PACS1: variants seen among roughly 807,000 people sequenced by gnomAD.
PACS1 encodes the protein phosphofurin acidic cluster sorting protein 1.
In PACS1, 24 loss-of-function variants were observed where a neutral mutation model predicts 115.0. That is an observed-to-expected ratio of 0.21 (90% CI 0.15 to 0.29). The LOEUF is 0.29. Ranked by LOEUF, PACS1 falls within the 10% of genes least tolerant of loss-of-function variation. The probability of loss-of-function intolerance (pLI) is 1.00; values close to 1 mark genes in which losing one functional copy is unlikely to be tolerated. For missense variants in PACS1, 838 were observed against 1,251.2 expected (o/e 0.67, Z 4.98); for synonymous variants, 453 against 504.5 (o/e 0.90, Z 1.37).
At chr11:66,075,284 A>C (rs537795805) in intron 1 of PACS1, among the ~76,000 whole-genome samples, 1 of 151,954 alleles carries the variant, frequency 6.6e-6, no homozygotes, top group South Asian at 2.1e-4. Flanking sequence ...TTTTTTACTC[A>C]GGTTGGAGTG....
intron 1 of PACS1, among the ~76,000 whole-genome samples, chr11:66,081,477 G>C (rs1249390957): frequency 6.6e-6 from 1 of 152,012 alleles, no homozygotes; most frequent in Non-Finnish European, 1.5e-5. Context: ...TTTCTTTCTA[G>C]AATTAGGGTA....
intron 1 of PACS1, among the ~76,000 whole-genome samples, chr11:66,176,211 G>A (rs947608479): frequency 5.3e-5 from 8 of 152,150 alleles, no homozygotes; most frequent in Non-Finnish European, 1.2e-4. Flanking sequence ...CCAATAGGTA[G>A]TGTTTTAAAC....
At chr11:66,081,348 A>G (rs137862923) in intron 1 of PACS1, among the ~76,000 whole-genome samples, 1 of 152,350 alleles carries the variant, frequency 6.6e-6, no homozygotes, top group African/African-American at 2.4e-5. Context: ...GTGTGGCAAC[A>G]TAGAAAGCAC....
chr11:66,104,098 C>A (rs185988499), intron 1 of PACS1, among the ~76,000 whole-genome samples: 78 of 152,192 alleles, frequency 5.1e-4, no homozygotes, highest in Middle Eastern at 3.4e-3. Flanking sequence ...TTAATTTTAT[C>A]TGATTTGCAG....
chr11:66,221,410 G>A lies in PACS1; in HGVS notation c.1293+163G>A, dbSNP rs184328398. ...CAACTGTAATCCTGGCACTTTGGGAGGTGGAGTCGGGCAGATCATGAGGTC... is the reference window on the plus strand; with the variant it reads ...CAACTGTAATCCTGGCACTTTGGGAAGTGGAGTCGGGCAGATCATGAGGTC... On this transcript the variant is annotated intron_variant, in intron 10 of 23. Coordinates refer to ENST00000320580, the MANE Select transcript of PACS1 (RefSeq NM_018026.4). The A allele has an allele frequency of 2.5e-3, 1,574 of 636,194 alleles. 22 individuals are homozygous for A. Among genetic ancestry groups the A allele is most frequent in the African/African-American group, 0.024 (1,336 of 55,240 alleles). 39.4% of individuals were successfully genotyped at this position (636,194 alleles called of 1,614,324 possible). A position where few individuals can be genotyped will look rare whatever the true frequency, so the allele number is the denominator to read the frequency against.
chr11:66,206,803 T>G (rs1175497050), intron 2 of PACS1, among the ~76,000 whole-genome samples: 1 of 152,198 alleles, frequency 6.6e-6, no homozygotes, highest in Non-Finnish European at 1.5e-5. Flanking sequence ...TGCAGGTATC[T>G]GGAGGAAGAG....
chr11:66,113,568 C>T (rs1858233827), intron 1 of PACS1, among the ~76,000 whole-genome samples: 2 of 152,204 alleles, frequency 1.3e-5, no homozygotes, highest in South Asian at 4.1e-4. Context: ...TGTAGTTTGA[C>T]AAGAAGACAT....
chr11:66,109,927 G>T (rs879650209), intron 1 of PACS1, among the ~76,000 whole-genome samples: 10 of 152,164 alleles, frequency 6.6e-5, no homozygotes, highest in Admixed American at 5.9e-4. Context: ...TACTGATGCA[G>T]TATTTTGTGA....
chr11:66,171,279 CT>C (rs1302014187), intron 1 of PACS1, among the ~76,000 whole-genome samples: 2 of 150,290 alleles, frequency 1.3e-5, no homozygotes, highest in Admixed American at 1.3e-4. Context: ...TTCCAGCTTT[CT>C]TTTGATTATT....
chr11:66,207,419 A>G (rs866244673), intron 2 of PACS1, among the ~76,000 whole-genome samples: 2 of 151,582 alleles, frequency 1.3e-5, no homozygotes, highest in African/African-American at 4.8e-5. Flanking sequence ...GTGAGCCGAG[A>G]TCACACTACT....
chr11:66,175,017 C>T (rs1324073626), intron 1 of PACS1, among the ~76,000 whole-genome samples: 2 of 151,934 alleles, frequency 1.3e-5, no homozygotes, highest in Non-Finnish European at 2.9e-5. Context: ...TGGGCGTGGT[C>T]GCAGACGCCT....
chr11:66,099,310 G>A (rs151221349), intron 1 of PACS1, among the ~76,000 whole-genome samples: 3 of 152,250 alleles, frequency 2.0e-5, no homozygotes, highest in African/African-American at 7.2e-5. Flanking sequence ...TACAAGCTCC[G>A]CCTCCCAGGT....
At chr11:66,132,953 C>A (rs948261815) in intron 1 of PACS1, among the ~76,000 whole-genome samples, 1 of 152,210 alleles carries the variant, frequency 6.6e-6, no homozygotes, top group Non-Finnish European at 1.5e-5. Context: ...CAGAAGTGAG[C>A]CATGGCACCT....
chr11:66,188,159 A>AT (rs71461607), intron 1 of PACS1, among the ~76,000 whole-genome samples: 4,274 of 94,808 alleles, frequency 0.045, 302 homozygotes, highest in African/African-American at 0.15. Context: ...TTTTAATCGG[A>AT]TTTTTTTTTT....
chr11:66,242,199 C>T (rs1408321479), intron 22 of PACS1, among the ~76,000 whole-genome samples: 25 of 152,184 alleles, frequency 1.6e-4, no homozygotes, highest in Admixed American at 1.6e-3. Flanking sequence ...CAGGAACCCC[C>T]ATGGCTGGGC....
chr11:66,227,608 T>G (rs759869599), intron 11 of PACS1, 24 bp downstream of exon 11: 1 of 1,446,370 alleles, frequency 6.9e-7, no homozygotes, highest in East Asian at 2.3e-5. Context: ...AGTTTCCTGT[T>G]TCAGCTGTTT....
Position 66,162,112 on chromosome 11 carries a change from G to GTTTT in PACS1, c.357-31346_357-31343dup, listed in dbSNP as rs58980906. ...ATGTTTTCTGTTGGTGGTGGTGGTG[G>GTTTT]TTTTTTTTTTTTTTTTTTTTTTTTT... On this transcript the variant is annotated intron_variant, in intron 1 of 23. Transcript: ENST00000320580. 3.3e-3 allele frequency among the ~76,000 whole-genome samples: 186 copies of GTTTT among 56,376 alleles called. 28 individuals carry two copies. In the East Asian group the frequency reaches 0.053, roughly 16 times the overall value. 37.0% of individuals were successfully genotyped at this position (56,376 alleles called of 152,430 possible).
intron 4 of PACS1, among the ~76,000 whole-genome samples, chr11:66,212,383 T>C (rs556575826): frequency 4.0e-5 from 6 of 151,748 alleles, no homozygotes; most frequent in South Asian, 4.2e-4. Flanking sequence ...CCGCCCGCCT[T>C]GGCCTCCCAA....
intron 1 of PACS1, among the ~76,000 whole-genome samples, chr11:66,113,955 CTT>C (rs1858245022): frequency 6.6e-6 from 1 of 152,154 alleles, no homozygotes; most frequent in Non-Finnish European, 1.5e-5. Flanking sequence ...CACTGAAGCT[CTT>C]TTGCATCTCT....
Sources: allele counts gnomAD v4.1 joint callset (sites outside exome capture counted in the v4.1 genomes callset), GRCh38; gene constraint gnomAD v4.1.1; transcripts MANE v1.5; gene names NCBI Gene and HGNC (gene_info 2026-07-23, HGNC 2026-07-21).